PALM2AKAP2: variants seen among roughly 807,000 people sequenced by gnomAD.
PALM2AKAP2 encodes the protein PALM2-AKAP2 fusion protein.
In PALM2AKAP2, 37 loss-of-function variants were observed where a neutral mutation model predicts 71.5. The observed-to-expected ratio is 0.52, with a 90% CI of 0.40 to 0.68. The LOEUF (loss-of-function observed/expected upper bound fraction) is 0.68. PALM2AKAP2 is among the 30% of genes least tolerant of loss of function. PALM2AKAP2 has a pLI of 0.00. For synonymous variants in PALM2AKAP2, 468 were observed against 478.8 expected (o/e 0.98, Z 0.29); for missense variants, 1,224 against 1,191.8 (o/e 1.03, Z -0.40).
chr9:109,782,772 GTGTGTA>G (rs1008789274), intron 1 of PALM2AKAP2, among the ~76,000 whole-genome samples: 9 of 147,266 alleles, frequency 6.1e-5, no homozygotes, highest in Non-Finnish European at 1.1e-4. Flanking sequence ...GTGTGTGTGT[GTGTGTA>G]TGTGTGTGTG....
chr9:109,826,006 C>G (rs1354451563), intron 1 of PALM2AKAP2, among the ~76,000 whole-genome samples: 1 of 152,164 alleles, frequency 6.6e-6, no homozygotes, highest in East Asian at 1.9e-4. Context: ...AAATGTGGCA[C>G]ATATGCACAA....
At chr9:109,800,760 T>A (rs1428079502) in intron 1 of PALM2AKAP2, among the ~76,000 whole-genome samples, 1 of 152,232 alleles carries the variant, frequency 6.6e-6, no homozygotes, top group East Asian at 1.9e-4. Flanking sequence ...TTTCTACAGA[T>A]GTATTTGTAA....
chr9:109,796,357 GA>G (rs1587917609), intron 1 of PALM2AKAP2, among the ~76,000 whole-genome samples: 1 of 152,114 alleles, frequency 6.6e-6, no homozygotes. Flanking sequence ...CAAAATATTA[GA>G]AAAGTTAAAG....
intron 1 of PALM2AKAP2, among the ~76,000 whole-genome samples, chr9:109,769,195 A>G (rs1004641239): frequency 1.3e-5 from 2 of 152,192 alleles, no homozygotes; most frequent in Non-Finnish European, 2.9e-5. Context: ...TGAAATGGCA[A>G]AAGTGTACCT....
At chr9:110,052,060 G>A (rs958577193) in intron 1 of PALM2AKAP2, among the ~76,000 whole-genome samples, 1 of 151,706 alleles carries the variant, frequency 6.6e-6, no homozygotes, top group Admixed American at 6.6e-5. Context: ...CCACCACCAC[G>A]CCCAGCTAAT....
chr9:109,994,682 T>G (rs1832543105), intron 6 of PALM2AKAP2, among the ~76,000 whole-genome samples: 1 of 152,120 alleles, frequency 6.6e-6, no homozygotes, highest in Non-Finnish European at 1.5e-5. Flanking sequence ...CTTGCTTTGG[T>G]CATCTCTGTG....
At chr9:109,823,416 T>C (rs1372230160) in intron 1 of PALM2AKAP2, among the ~76,000 whole-genome samples, 1 of 152,188 alleles carries the variant, frequency 6.6e-6, no homozygotes, top group Admixed American at 6.5e-5. Context: ...ATTAAACAAC[T>C]CTAGAGTCTT....
chr9:109,950,663 A>G (rs903997795), intron 6 of PALM2AKAP2, among the ~76,000 whole-genome samples: 2 of 152,184 alleles, frequency 1.3e-5, no homozygotes, highest in Admixed American at 1.3e-4. Flanking sequence ...ACAAGGTTAT[A>G]TCTACTCCAT....
intron 1 of PALM2AKAP2, among the ~76,000 whole-genome samples, chr9:109,770,630 A>C (rs1195753076): frequency 6.6e-6 from 1 of 152,234 alleles, no homozygotes; most frequent in Non-Finnish European, 1.5e-5. Context: ...GTTAGCAACC[A>C]GTCAAGAACA....
chr9:110,163,947 T>C (rs897282806), intron 3 of PALM2AKAP2, among the ~76,000 whole-genome samples: 8 of 152,232 alleles, frequency 5.3e-5, no homozygotes, highest in African/African-American at 1.9e-4. Flanking sequence ...TTACTAGATA[T>C]TGTAAATTAT....
At chr9:109,867,625 C>A in intron 2 of PALM2AKAP2, 54 bp downstream of exon 2, 1 of 1,566,154 alleles carries the variant, frequency 6.4e-7, no homozygotes, top group South Asian at 1.2e-5. Flanking sequence ...AGATCACACT[C>A]CGGAGAGCTG....
chr9:110,070,601 A>G (rs73528500), intron 1 of PALM2AKAP2, among the ~76,000 whole-genome samples: 17,592 of 152,148 alleles, frequency 0.12, 1,070 homozygotes, highest in Middle Eastern at 0.22. Flanking sequence ...TTGGCAGAAA[A>G]TCTGTTTTAA....
At chr9:110,153,825 A>G (rs965008409) in intron 2 of PALM2AKAP2, among the ~76,000 whole-genome samples, 1 of 152,242 alleles carries the variant, frequency 6.6e-6, no homozygotes, top group African/African-American at 2.4e-5. Context: ...CAATAGCCAG[A>G]TAAGATTTAA....
chr9:109,822,899 G>A (rs1169746793), intron 1 of PALM2AKAP2, among the ~76,000 whole-genome samples: 3 of 152,162 alleles, frequency 2.0e-5, no homozygotes, highest in Non-Finnish European at 2.9e-5. Flanking sequence ...TGGGATTGCT[G>A]GGTCGAATGG....
intron 1 of PALM2AKAP2, among the ~76,000 whole-genome samples, chr9:110,070,869 T>G (rs1270805367): frequency 2.6e-5 from 4 of 152,034 alleles, no homozygotes; most frequent in Admixed American, 6.6e-5. Context: ...AGTTTCGAAT[T>G]AGAAATTAGA....
At position 109,653,783 on chromosome 9, in the gene PALM2AKAP2, A is replaced by G. The variant is rs1287168532; in HGVS notation, c.5+12917A>G. On this transcript the variant is annotated intron_variant, in intron 1 of 6. Transcript: ENST00000374531. ...TATAGAGCACAGGGCTTTATATAAC[A>G]CAAGATGTGGGTGTGGGGTTCCTCA... Among the ~76,000 whole-genome samples the G allele has an allele frequency of 2.0e-5, 3 of 152,308 alleles. No homozygotes were observed. In the East Asian group the frequency reaches 5.8e-4, roughly 29 times the overall value.
chr9:109,752,513 G>T (rs958443414), intron 1 of PALM2AKAP2, among the ~76,000 whole-genome samples: 5 of 152,106 alleles, frequency 3.3e-5, no homozygotes, highest in African/African-American at 1.2e-4. Context: ...AACATTTCAG[G>T]TAGAGGGAAT....
chr9:110,112,159 C>T (rs1397542910), intron 1 of PALM2AKAP2, among the ~76,000 whole-genome samples: 4 of 151,766 alleles, frequency 2.6e-5, no homozygotes, highest in African/African-American at 9.7e-5. Context: ...TAAGCAGGTA[C>T]AGGTGGGAGA....
intron 1 of PALM2AKAP2, among the ~76,000 whole-genome samples, chr9:109,715,192 A>G (rs1036463173): frequency 6.6e-6 from 1 of 152,226 alleles, no homozygotes; most frequent in Non-Finnish European, 1.5e-5. Flanking sequence ...TTTTATTTAT[A>G]CAAATTCTAA....
Sources: gnomAD v4.1 joint callset for allele counts (sites outside exome capture counted in the v4.1 genomes callset) on GRCh38, gnomAD v4.1.1 for gene constraint, MANE v1.5 for transcripts, NCBI Gene and HGNC (gene_info 2026-07-23, HGNC 2026-07-21) for gene names.